ZNF185: variants seen among roughly 807,000 people sequenced by gnomAD.
ZNF185 encodes zinc finger protein 185 with LIM domain, also known as zinc finger protein 185.
ZNF185 carries 56 observed loss-of-function variants against 58.6 expected under a neutral mutation model. The ratio of observed to expected loss-of-function variants is 0.95; its 90% CI spans 0.77 to 1.19. The LOEUF (loss-of-function observed/expected upper bound fraction) is 1.19, where lower values mean the gene tolerates loss of function less well. Among genes scored for constraint, ZNF185 ranks in the 50% most tolerant of loss-of-function variants. The pLI, the probability that ZNF185 is intolerant of heterozygous loss-of-function variation, is 0.00. For synonymous variants in ZNF185, 230 were observed against 215.9 expected, an observed-to-expected ratio of 1.07 and a Z score of -0.57; for missense variants, 627 against 573.5, an observed-to-expected ratio of 1.09 and a Z score of -0.95.
intron 14 of ZNF185, among the ~76,000 whole-genome samples, chrX:152,935,338 C>G (rs782445354): frequency 9.3e-6 from 1 of 107,301 alleles, no homozygotes; most frequent in African/African-American, 3.4e-5. Flanking sequence ...TGAGTTCATG[C>G]CATTGTCCTG....
chrX:152,967,235 A>T, exon 20 of ZNF185: 1 of 1,209,906 alleles, frequency 8.3e-7, no homozygotes, highest in Non-Finnish European at 1.1e-6. Context: ...CCATACTCTG[A>T]GAGGTATGTT....
chrX:152,920,248 C>T (rs919766448), intron 7 of ZNF185, 80 bp from the exon 9 acceptor site: 14 of 1,059,700 alleles, frequency 1.3e-5, no homozygotes, highest in East Asian at 3.1e-5. Flanking sequence ...TAAGTCACCC[C>T]GAGTCCATCC....
rs782769408 is a variant in ZNF185 at position 152,970,535 on chromosome X, C to G, written c.2067C>G (p.Leu689=). 1.3e-4 allele frequency: 161 copies of G among 1,207,586 alleles called. No individual in the cohort carries two copies. Among genetic ancestry groups the G allele is most frequent in the Non-Finnish European group, 1.7e-4 (149 of 893,594 alleles). ...ACTGTGGGAAATGCTATGAGAAGCT[C>G]TTCTAGGTGGGTGCTGGCACTGCAA... Residue 689 remains leucine, a synonymous_variant, in exon 22 of 23, where the codon CTC becomes CTG. Transcript: ENST00000449285.
intron 15 of ZNF185, among the ~76,000 whole-genome samples, 154 bp downstream of exon 17, chrX:152,938,317 C>G (rs782709749): frequency 1.8e-5 from 2 of 112,699 alleles, no homozygotes; most frequent in South Asian, 3.6e-4. Flanking sequence ...CCAGAACCCT[C>G]TGGCTTCTGG....
At chrX:152,965,174 G>C (rs781946099) in intron 18 of ZNF185, among the ~76,000 whole-genome samples, 5 of 112,283 alleles carry the variant, frequency 4.5e-5, no homozygotes, top group Non-Finnish European at 7.5e-5. Flanking sequence ...GGTCACCGAG[G>C]TCTGCATGGA....
At chrX:152,970,954 C>T (rs781867871) in intron 22 of ZNF185, among the ~76,000 whole-genome samples, 1 of 111,960 alleles carries the variant, frequency 8.9e-6, no homozygotes, top group East Asian at 2.8e-4. Flanking sequence ...CACTGTCACT[C>T]GCATAGCTTC....
upstream of ZNF185, among the ~76,000 whole-genome samples, chrX:152,911,296 C>T (rs1556861353): frequency 8.9e-6 from 1 of 112,088 alleles, no homozygotes; most frequent in Non-Finnish European, 1.9e-5. Context: ...CTTCCAGGGA[C>T]TCCAAGGCAC....
chrX:152,934,098 T>C (rs1041255607), intron 14 of ZNF185, among the ~76,000 whole-genome samples: 1 of 112,946 alleles, frequency 8.9e-6, no homozygotes, highest in Non-Finnish European at 1.9e-5. Context: ...TGCAGAGGCA[T>C]TGGAGGGATC....
chrX:152,911,615 C>A (rs1196927545), upstream of ZNF185, among the ~76,000 whole-genome samples: 1 of 35,684 alleles, frequency 2.8e-5, no homozygotes, highest in African/African-American at 1.5e-4. Context: ...ACCCCACCCA[C>A]CCCACCCCGC....
At chrX:152,962,767 G>A (rs1175111255) in intron 17 of ZNF185, among the ~76,000 whole-genome samples, 1 of 112,701 alleles carries the variant, frequency 8.9e-6, no homozygotes, top group Non-Finnish European at 1.9e-5. Flanking sequence ...ATGAGAGCCT[G>A]GAAGTCCAGG....
exon 15 of ZNF185, chrX:152,938,134 C>T (rs1055655489): frequency 1.9e-5 from 22 of 1,184,510 alleles, no homozygotes; most frequent in Non-Finnish European, 2.4e-5. Context: ...GCACAGCAGC[C>T]CAGGAGGATG....
intron 15 of ZNF185, chrX:152,941,940 G>A (rs190347601): frequency 0.01 from 10,413 of 1,005,661 alleles, 57 homozygotes; most frequent in Middle Eastern, 0.015. Context: ...CCTGCGGCTT[G>A]AGCTTGTTTC....
chrX:152,928,869 A>G (rs1393602288), intron 12 of ZNF185, among the ~76,000 whole-genome samples: 9 of 113,108 alleles, frequency 8.0e-5, no homozygotes, highest in African/African-American at 2.9e-4. Flanking sequence ...TAGTCTGTGT[A>G]AGGGCACAGG....
At chrX:152,911,179 C>T (rs552945688), upstream of ZNF185, among the ~76,000 whole-genome samples, 17 of 111,754 alleles carry the variant, frequency 1.5e-4, no homozygotes, top group East Asian at 4.8e-3. Context: ...CTCGACGTGC[C>T]GGGCCCTGAG....
At chrX:152,917,879 G>C in intron 5 of ZNF185, 186 bp from the exon 7 acceptor site, 1 of 1,080,781 alleles carries the variant, frequency 9.3e-7, no homozygotes, top group Non-Finnish European at 1.2e-6. Context: ...CCTGAAGCTC[G>C]GTGGGGTTTG....
intron 15 of ZNF185, among the ~76,000 whole-genome samples, chrX:152,943,845 A>G (rs1451495374): frequency 8.8e-6 from 1 of 113,057 alleles, no homozygotes; most frequent in African/African-American, 3.2e-5. Context: ...GGGCTACCAC[A>G]GTAGGGAGAC....
intron 16 of ZNF185, among the ~76,000 whole-genome samples, chrX:152,954,885 G>A (rs898509669): frequency 9.9e-5 from 11 of 111,172 alleles, no homozygotes; most frequent in Admixed American, 8.6e-4. Context: ...TTTGTGAATC[G>A]GGCAGCCCCC....
intron 16 of ZNF185, 144 bp from the exon 19 acceptor site, chrX:152,959,555 G>C (rs1342328621): frequency 7.8e-6 from 5 of 643,813 alleles, no homozygotes; most frequent in Non-Finnish European, 1.2e-5. Context: ...TTGGGGTGGG[G>C]ATTGTGCCTC....
the ZNF185 span, among the ~76,000 whole-genome samples, chrX:152,904,632 A>G: frequency 2.7e-5 from 3 of 112,505 alleles, no homozygotes; most frequent in East Asian, 2.8e-4. Flanking sequence ...GCGTGCCTTG[A>G]GAAAGGACGG....
Sources: allele counts gnomAD v4.1 joint callset (sites outside exome capture counted in the v4.1 genomes callset), GRCh38; gene constraint gnomAD v4.1.1; transcripts MANE v1.5; gene names NCBI Gene and HGNC (gene_info 2026-07-23, HGNC 2026-07-21).